Variants in FHIT observed in about 807,000 individuals in gnomAD.
The protein encoded by FHIT is fragile histidine triad diadenosine triphosphatase.
Under a neutral mutation model 17.9 loss-of-function variants are expected in FHIT, and 19 were observed. The ratio of observed to expected loss-of-function variants is 1.06; its 90% CI spans 0.74 to 1.56. The LOEUF (loss-of-function observed/expected upper bound fraction) is 1.56, where lower values mean the gene tolerates loss of function less well. Ranked by LOEUF, FHIT falls within the 40% of genes most tolerant of loss-of-function variation. The pLI is 0.00. For missense variants in FHIT, 248 were observed against 189.2 expected (o/e 1.31, Z -1.82); for synonymous variants, 81 against 69.7 (o/e 1.16, Z -0.81).
Position 60,639,438 on chromosome 3 carries a change from A to C in FHIT, c.-17-102459T>G, listed in dbSNP as rs535620240. Among the ~76,000 whole-genome samples the C allele has an allele frequency of 9.1e-4, 138 of 152,330 alleles. No individual in the cohort carries two copies. The Middle Eastern group carries it at 0.02, about 23-fold the overall frequency. ...CCAAAAACGAAGGAGCCATTTTGTC[A>C]GTCTAAAAGGGTTGGGGAGACAAAA... On this transcript the variant is annotated intron_variant, in intron 4 of 9. Transcript: ENST00000492590.
At chr3:60,796,994 T>A (rs1011832042) in intron 4 of FHIT, among the ~76,000 whole-genome samples, 4 of 152,254 alleles carry the variant, frequency 2.6e-5, no homozygotes, top group African/African-American at 9.6e-5. Context: ...AAAGGCCATG[T>A]GTTTGTATTA....
chr3:60,050,763 C>A (rs1243083102), intron 5 of FHIT, among the ~76,000 whole-genome samples: 1 of 152,192 alleles, frequency 6.6e-6, no homozygotes, highest in African/African-American at 2.4e-5. Flanking sequence ...GGACAGAGAC[C>A]TAGATCCAGG....
intron 3 of FHIT, among the ~76,000 whole-genome samples, chr3:60,977,470 C>T (rs1415980186): frequency 6.6e-6 from 1 of 152,116 alleles, no homozygotes; most frequent in African/African-American, 2.4e-5. Flanking sequence ...CAGCTATTGT[C>T]TGGATTGAAC....
intron 5 of FHIT, among the ~76,000 whole-genome samples, chr3:60,391,200 A>C (rs372109287): frequency 1.3e-4 from 4 of 30,738 alleles, no homozygotes; most frequent in East Asian, 2.6e-3. Flanking sequence ...AACAAAACAA[A>C]AAACAAACAA....
chr3:60,407,210 A>G (rs1342022469), intron 5 of FHIT, among the ~76,000 whole-genome samples: 4 of 151,006 alleles, frequency 2.6e-5, no homozygotes, highest in Non-Finnish European at 5.9e-5. Flanking sequence ...CCAGGATATG[A>G]TATTTCTGTT....
chr3:60,364,688 T>C (rs1242718510), intron 5 of FHIT, among the ~76,000 whole-genome samples: 1 of 152,230 alleles, frequency 6.6e-6, no homozygotes, highest in Non-Finnish European at 1.5e-5. Flanking sequence ...ATAAACATTA[T>C]TTCTGTGTGT....
intron 7 of FHIT, among the ~76,000 whole-genome samples, chr3:60,006,721 G>C (rs1031552292): frequency 6.6e-6 from 1 of 151,566 alleles, no homozygotes; most frequent in African/African-American, 2.4e-5. Context: ...TGCACAGTTA[G>C]GAAGTTAATA....
intron 3 of FHIT, among the ~76,000 whole-genome samples, chr3:61,008,911 G>C (rs1665): frequency 0.35 from 53,486 of 152,120 alleles, 12,081 homozygotes; most frequent in Non-Finnish European, 0.5. Flanking sequence ...GTGTGTGTGT[G>C]TGTGCGGAAA....
At position 59,748,635 on chromosome 3, in the gene FHIT, AG is replaced by A. The variant is rs1356066995; in HGVS notation, c.*949del. Among the ~76,000 whole-genome samples, 1 of 152,020 alleles carries A rather than the reference AG, an allele frequency of 6.6e-6. No individual in the cohort carries two copies. The highest frequency in any genetic ancestry group is 2.4e-5 in the African/African-American group (1 of 41,390). On this transcript the variant is annotated 3_prime_UTR_variant, in exon 10 of 10. Transcript: ENST00000492590. ...TGAAGAGGCTAAGAAGACTATTTGG[AG>A]GGTACAAGGGGAGATGGGACAGGGA...
At chr3:60,456,861 T>A (rs1388396753) in intron 5 of FHIT, among the ~76,000 whole-genome samples, 1 of 152,000 alleles carries the variant, frequency 6.6e-6, no homozygotes, top group African/African-American at 2.4e-5. Context: ...TACCTAGGAA[T>A]CCAATTTACA....
intron 4 of FHIT, among the ~76,000 whole-genome samples, chr3:60,754,536 CAGG>C (rs1449745816): frequency 2.0e-5 from 3 of 152,060 alleles, no homozygotes; most frequent in Non-Finnish European, 2.9e-5. Flanking sequence ...GAGGCTGAAG[CAGG>C]AGAATGGCTT....
intron 5 of FHIT, among the ~76,000 whole-genome samples, chr3:60,017,656 G>A (rs955844076): frequency 3.3e-5 from 5 of 151,870 alleles, no homozygotes; most frequent in African/African-American, 2.4e-5. Flanking sequence ...TTCCCTTTTC[G>A]TCTCCTCCTC....
intron 2 of FHIT, among the ~76,000 whole-genome samples, chr3:61,178,959 C>G (rs1261434417): frequency 6.7e-6 from 1 of 149,614 alleles, no homozygotes; most frequent in Non-Finnish European, 1.5e-5. Flanking sequence ...TTGTCCACCA[C>G]GTGATTTTGT....
chr3:60,736,848 T>A (rs1156841501), intron 4 of FHIT, among the ~76,000 whole-genome samples: 1 of 152,222 alleles, frequency 6.6e-6, no homozygotes, highest in African/African-American at 2.4e-5. Context: ...CCTATTCTGA[T>A]TCTCACAAAT....
chr3:61,037,515 G>C (rs140444304), intron 3 of FHIT, among the ~76,000 whole-genome samples: 17 of 152,198 alleles, frequency 1.1e-4, no homozygotes, highest in African/African-American at 3.9e-4. Flanking sequence ...TATATAATTA[G>C]CACATCAAAT....
At chr3:60,013,836 T>G (rs964021383) in intron 6 of FHIT, among the ~76,000 whole-genome samples, 171 bp downstream of exon 6, 3 of 152,198 alleles carry the variant, frequency 2.0e-5, no homozygotes, top group African/African-American at 7.2e-5. Flanking sequence ...ACGGTCCATC[T>G]TGGGGCCAAT....
At chr3:60,328,400 A>C (rs1447783865) in intron 5 of FHIT, among the ~76,000 whole-genome samples, 1 of 152,264 alleles carries the variant, frequency 6.6e-6, no homozygotes, top group African/African-American at 2.4e-5. Context: ...GAGAGGCCTT[A>C]CAATCATGGA....
intron 5 of FHIT, among the ~76,000 whole-genome samples, chr3:60,227,038 G>C (rs17062524): frequency 0.3 from 45,698 of 151,996 alleles, 7,064 homozygotes; most frequent in African/African-American, 0.35. Flanking sequence ...CAAGGGCTCA[G>C]AGGTATGCAG....
At chr3:60,237,164 A>G (rs1704842055) in intron 5 of FHIT, among the ~76,000 whole-genome samples, 1 of 152,054 alleles carries the variant, frequency 6.6e-6, no homozygotes, top group African/African-American at 2.4e-5. Flanking sequence ...TAGAATTACT[A>G]GGTTGAAGGG....
Sources: allele counts gnomAD v4.1 joint callset (sites outside exome capture counted in the v4.1 genomes callset), GRCh38; gene constraint gnomAD v4.1.1; transcripts MANE v1.5; gene names NCBI Gene and HGNC (gene_info 2026-07-23, HGNC 2026-07-21).